Variants in GCNT2 observed in about 807,000 individuals in gnomAD.
The protein encoded by GCNT2 is glucosaminyl (N-acetyl) transferase 2 (I blood group).
GCNT2 carries 34 observed loss-of-function variants against 34.2 expected under a neutral mutation model. The ratio of observed to expected loss-of-function variants is 1.00; its 90% CI spans 0.76 to 1.32. The LOEUF (loss-of-function observed/expected upper bound fraction) is 1.32. Ranked by LOEUF, GCNT2 falls within the 40% of genes most tolerant of loss-of-function variation. The pLI, the probability that GCNT2 is intolerant of heterozygous loss-of-function variation, is 0.00. For missense variants in GCNT2, 584 were observed against 489.4 expected (o/e 1.19, Z -1.82); for synonymous variants, 212 against 188.0 (o/e 1.13, Z -1.04).
intron 3 of GCNT2, among the ~76,000 whole-genome samples, chr6:10,543,586 G>C (rs141817029): frequency 2.2e-4 from 33 of 152,256 alleles, no homozygotes; most frequent in African/African-American, 7.9e-4. Context: ...GTGTATGAGG[G>C]TTCCAATTTT....
intron 3 of GCNT2, among the ~76,000 whole-genome samples, chr6:10,567,056 T>C (rs932760455): frequency 9.9e-5 from 15 of 152,218 alleles, no homozygotes; most frequent in Non-Finnish European, 4.4e-5. Context: ...GCTAGACTTA[T>C]GCCTATAATC....
At chr6:10,527,845 G>A (rs760129146) in intron 2 of GCNT2, among the ~76,000 whole-genome samples, 185 bp downstream of exon 2, 4 of 151,868 alleles carry the variant, frequency 2.6e-5, no homozygotes, top group Non-Finnish European at 5.9e-5. Flanking sequence ...TTGACCTCTG[G>A]TGGTAAAATT....
At chr6:10,587,190 A>G (rs897829506) in intron 3 of GCNT2, among the ~76,000 whole-genome samples, 5 of 152,242 alleles carry the variant, frequency 3.3e-5, no homozygotes, top group South Asian at 2.1e-4. Flanking sequence ...TACTTTTCGT[A>G]GTCCTTGATA....
At chr6:10,568,622 T>A (rs142203999) in intron 3 of GCNT2, among the ~76,000 whole-genome samples, 342 of 152,316 alleles carry the variant, frequency 2.2e-3, no homozygotes, top group Middle Eastern at 0.01. Flanking sequence ...TGTCAACAAC[T>A]TATTGAATTA....
chr6:10,608,357 C>G (rs551400358), intron 3 of GCNT2, among the ~76,000 whole-genome samples: 4 of 152,078 alleles, frequency 2.6e-5, no homozygotes, highest in African/African-American at 9.7e-5. Context: ...GGATTACAGG[C>G]GTGAGCCACC....
chr6:10,626,700 G>A lies in GCNT2; in HGVS notation c.*93G>A, dbSNP rs556902601. ...GACTTTTGCCTTCGTAATGTTAACC[G>A]TTTCAGGACCACGTTTATAGCTTCA... On this transcript the variant is annotated 3_prime_UTR_variant, in exon 5 of 5. Coordinates refer to ENST00000495262, the MANE Select transcript of GCNT2 (RefSeq NM_145649.5). 3.5e-4 allele frequency: 306 copies of A among 879,074 alleles called. 1 individual carries two copies. In the African/African-American group the frequency reaches 3.6e-3, roughly 10 times the overall value. The allele number at this position is 879,074 out of a possible 1,614,324, so 54.5% of individuals were successfully genotyped here. A position where few individuals can be genotyped will look rare whatever the true frequency, so the allele number is the denominator to read the frequency against.
chr6:10,615,645 C>T (rs1317122445), intron 3 of GCNT2, among the ~76,000 whole-genome samples: 1 of 152,068 alleles, frequency 6.6e-6, no homozygotes, highest in African/African-American at 2.4e-5. Flanking sequence ...GGTGAGTCTT[C>T]AGTGCAAAGT....
At chr6:10,524,872 G>T (rs1015536439) in intron 1 of GCNT2, among the ~76,000 whole-genome samples, 1 of 146,342 alleles carries the variant, frequency 6.8e-6, no homozygotes, top group Non-Finnish European at 1.5e-5. Flanking sequence ...AAAAGAAAAA[G>T]GACAAAATGT....
chr6:10,544,572 C>T (rs1762181393), intron 3 of GCNT2, among the ~76,000 whole-genome samples: 1 of 151,624 alleles, frequency 6.6e-6, no homozygotes, highest in African/African-American at 2.4e-5. Flanking sequence ...ACACTGCACT[C>T]CAGCCTGGGT....
intron 3 of GCNT2, chr6:10,556,382 C>T (rs777820403): frequency 1.9e-6 from 3 of 1,611,850 alleles, no homozygotes; most frequent in South Asian, 2.2e-5. Flanking sequence ...AAAAGACTTA[C>T]AGATTTTGAC....
intron 1 of GCNT2, among the ~76,000 whole-genome samples, chr6:10,523,806 A>C (rs528326489): frequency 7.9e-5 from 12 of 151,960 alleles, no homozygotes; most frequent in Non-Finnish European, 1.8e-4. Flanking sequence ...CCCCGTCTCT[A>C]TTAAAAATAC....
Position 10,529,546 on chromosome 6 carries a change from G to A in GCNT2, c.635G>A (p.Gly212Glu), listed in dbSNP as rs747951151. ...EIVQYLKGFK[G>E]KNITPGVLPP... is the part of the protein sequence containing the mutation. The stretch of plus-strand genomic sequence containing the variant: ...GTTCAGTATCTGAAGGGATTTAAAG[G>A]GAAAAATATCACCCCCGGAGTGCTG... Residue 212 changes from glycine to glutamate, a missense_variant, in exon 3 of 5, where the codon GGG (glycine) becomes GAG (glutamate). Physicochemically the swap from Gly to Glu is moderately conservative, Grantham distance 98 (BLOSUM62 -2). Transcript: ENST00000495262. 1 of 1,614,046 alleles carries A rather than the reference G, an allele frequency of 6.2e-7. No homozygotes were observed. The highest frequency in any genetic ancestry group is 8.5e-7 in the Non-Finnish European group (1 of 1,179,994).
intron 3 of GCNT2, among the ~76,000 whole-genome samples, chr6:10,551,882 C>T (rs1203630245): frequency 6.6e-6 from 1 of 152,014 alleles, no homozygotes; most frequent in Admixed American, 6.5e-5. Flanking sequence ...CTCAGCCTCC[C>T]AAGTAGCTGA....
Position 10,621,432 on chromosome 6 carries a change from G to A in GCNT2, c.1007G>A (p.Gly336Glu), listed in dbSNP as rs867767655. The stretch of plus-strand genomic sequence containing the variant: ...TGGAGTGACATGGAAGACAGACACG[G>A]AGGCTGCCACGGTGAGGCTCTCGTT... The part of the protein sequence containing the change: ...IKWSDMEDRH[G>E]GCHGHYVHGI... The change falls in exon 4 of 5, where the codon GGA becomes GAA. Residue 336 changes from glycine to glutamate, a missense_variant. By Grantham distance (98) the Gly-to-Glu change is moderately conservative (BLOSUM62 -2). Transcript: ENST00000495262. 1 of 1,609,844 alleles carries A rather than the reference G, an allele frequency of 6.2e-7. No homozygotes were observed. The highest frequency in any genetic ancestry group is 8.5e-7 in the Non-Finnish European group (1 of 1,176,148).
intron 4 of GCNT2, 93 bp downstream of exon 4, chr6:10,621,536 G>C (rs1161930676): frequency 2.5e-6 from 2 of 796,394 alleles, no homozygotes; most frequent in East Asian, 2.6e-5. Context: ...AGAGAGAATT[G>C]CTGCTATATT....
intron 4 of GCNT2, among the ~76,000 whole-genome samples, chr6:10,623,340 G>C (rs1219149132): frequency 6.6e-6 from 1 of 151,218 alleles, no homozygotes; most frequent in Non-Finnish European, 1.5e-5. Context: ...ACCCAGGCTG[G>C]AGTACAAGTG....
At chr6:10,557,472 T>G in intron 3 of GCNT2, 2 of 737,800 alleles carry the variant, frequency 2.7e-6, no homozygotes, top group South Asian at 1.6e-5. Context: ...CCCTAGTCCT[T>G]TCTAAATGCA....
In GCNT2 at chr6:10,536,392, G is replaced by T. The variant is rs546264124; in HGVS notation, c.925+6556G>T. 4.1e-3 allele frequency among the ~76,000 whole-genome samples: 618 copies of T among 150,360 alleles called. 3 individuals carry two copies. Among genetic ancestry groups the T allele is most frequent in the Non-Finnish European group, 6.3e-3 (424 of 67,698 alleles). On this transcript the variant is annotated intron_variant, in intron 3 of 4. Transcript: ENST00000495262. ...TTTTTTTTTGAGACAGTCTTGCTCT[G>T]TTGCCCAGGCTGGAGTGCAGTGGCG...
chr6:10,580,865 T>A (rs553838168), intron 3 of GCNT2, among the ~76,000 whole-genome samples: 11 of 152,158 alleles, frequency 7.2e-5, no homozygotes, highest in African/African-American at 2.7e-4. Flanking sequence ...CTGGTTTTCA[T>A]GTTGAGTTGA....
Sources: allele counts gnomAD v4.1 joint callset (sites outside exome capture counted in the v4.1 genomes callset), GRCh38; gene constraint gnomAD v4.1.1; transcripts MANE v1.5; gene names NCBI Gene and HGNC (gene_info 2026-07-23, HGNC 2026-07-21).